Variants in TBCK observed in about 807,000 individuals in gnomAD.
TBCK encodes TBC1 domain containing kinase, also known as TBC domain-containing protein kinase-like protein.
TBCK carries 99 observed loss-of-function variants against 113.4 expected under a neutral mutation model. The ratio of observed to expected loss-of-function variants is 0.87; its 90% CI spans 0.74 to 1.03. TBCK has a LOEUF of 1.03. Ranked by LOEUF, TBCK falls within the 50% of genes least tolerant of loss-of-function variation. The pLI, the probability that TBCK is intolerant of heterozygous loss-of-function variation, is 0.00. For missense variants in TBCK, 1,045 were observed against 1,061.3 expected (o/e 0.98, Z 0.21); for synonymous variants, 369 against 370.8 (o/e 1.00, Z 0.05).
chr4:106,164,754 A>T, intron 23 of TBCK, among the ~76,000 whole-genome samples: 1 of 151,742 alleles, frequency 6.6e-6, no homozygotes. Context: ...TCATAATCTA[A>T]AAAGTAGTGT....
chr4:106,052,606 T>C (rs1272031760), intron 25 of TBCK, among the ~76,000 whole-genome samples: 2 of 151,710 alleles, frequency 1.3e-5, no homozygotes, highest in Non-Finnish European at 3.0e-5. Flanking sequence ...TTAAAAAATA[T>C]TTTTATAGTT....
rs186071422 is a variant in TBCK, at chr4:106,092,199, C to G, written c.2571+3283G>C. The stretch of plus-strand genomic sequence containing the variant: ...GATTGGTGCATCCACAAACCCTGAG[C>G]TAGACACAGGGTGCTGACTGGTATG... On this transcript the variant is annotated intron_variant, in intron 25 of 25. Coordinates refer to ENST00000394708, the MANE Select transcript of TBCK (RefSeq NM_001163435.3). Among the ~76,000 whole-genome samples the G allele has an allele frequency of 1.6e-3, 245 of 152,308 alleles. 2 individuals carry two copies. Among genetic ancestry groups the G allele is most frequent in the African/African-American group, 5.6e-3 (232 of 41,574 alleles).
At chr4:106,156,457 T>A (rs918128523) in intron 23 of TBCK, among the ~76,000 whole-genome samples, 1 of 152,186 alleles carries the variant, frequency 6.6e-6, no homozygotes, top group Non-Finnish European at 1.5e-5. Context: ...TTTCCTTCCC[T>A]TCAGGGCAGA....
chr4:106,247,154 T>G lies in TBCK; in HGVS notation c.916A>C (p.Ser306Arg), dbSNP rs900986956. ...CADLTLPEDI[S>R]QLCKDINNDY... is the part of the protein sequence containing the mutation. ...TTATCATTACCTTTACACAACTGAC[T>G]GATATCCTCAGGCAGAGTTAAATCA... The change falls in exon 10 of 26, where the codon AGT (serine) becomes CGT (arginine). Residue 306 changes from serine (S) to arginine (R), a missense_variant. By Grantham distance (110) the Ser-to-Arg change is moderately radical. Transcript: ENST00000394708. The G allele has an allele frequency of 6.2e-7, 1 of 1,612,816 alleles. No individual in the cohort carries two copies. Among genetic ancestry groups the G allele is most frequent in the Non-Finnish European group, 8.5e-7 (1 of 1,179,552 alleles).
intron 19 of TBCK, among the ~76,000 whole-genome samples, chr4:106,224,883 A>G (rs187243258): frequency 6.6e-6 from 1 of 152,276 alleles, no homozygotes; most frequent in Admixed American, 6.5e-5. Flanking sequence ...CTTTTATGAA[A>G]CCTTTCCAGA....
intron 25 of TBCK, among the ~76,000 whole-genome samples, chr4:106,060,136 A>G (rs1735874502): frequency 7.9e-6 from 1 of 126,274 alleles, no homozygotes; most frequent in Non-Finnish European, 1.7e-5. Flanking sequence ...GTGAAGCAAC[A>G]GGTACTAATG....
At chr4:106,148,866 T>A (rs1434554938) in intron 23 of TBCK, among the ~76,000 whole-genome samples, 2 of 152,196 alleles carry the variant, frequency 1.3e-5, no homozygotes, top group Non-Finnish European at 2.9e-5. Context: ...CAGGCATTGA[T>A]CTCTTCTCTC....
intron 23 of TBCK, among the ~76,000 whole-genome samples, chr4:106,129,286 T>C (rs1359018139): frequency 6.6e-6 from 1 of 152,120 alleles, no homozygotes; most frequent in Non-Finnish European, 1.5e-5. Flanking sequence ...ATCCTGATGC[T>C]CTCCCTCTCT....
At chr4:106,114,540 C>G (rs72489522) in intron 24 of TBCK, among the ~76,000 whole-genome samples, 19,668 of 152,190 alleles carry the variant, frequency 0.13, 1,605 homozygotes, top group South Asian at 0.24. Flanking sequence ...CAGCTGCTGA[C>G]TCTTTACAGC....
intron 23 of TBCK, among the ~76,000 whole-genome samples, chr4:106,144,284 G>T (rs1395268641): frequency 6.6e-6 from 1 of 152,202 alleles, no homozygotes; most frequent in Non-Finnish European, 1.5e-5. Flanking sequence ...AAATTGAAGA[G>T]CTCTGTTTCG....
intron 22 of TBCK, among the ~76,000 whole-genome samples, chr4:106,187,092 T>C (rs2149794594): frequency 6.6e-6 from 1 of 152,304 alleles, no homozygotes; most frequent in Non-Finnish European, 1.5e-5. Flanking sequence ...ATTCCATTGA[T>C]CTATGTGTAT....
chr4:106,275,490 T>C (rs577512718), intron 3 of TBCK, among the ~76,000 whole-genome samples: 2 of 152,288 alleles, frequency 1.3e-5, no homozygotes, highest in African/African-American at 4.8e-5. Flanking sequence ...TAAACATTTC[T>C]ATTCAACAAT....
rs34307452 is a variant in TBCK, at chr4:106,236,466, G to A, written c.1274C>T (p.Thr425Met). 0.041 allele frequency: 64,630 copies of A among 1,578,106 alleles called. 1,581 individuals are homozygous for A. Among genetic ancestry groups the A allele is most frequent in the Non-Finnish European group, 0.048 (55,150 of 1,160,908 alleles). ...CTTCTCTCTGATGATTAAAGGGAGC[G>A]TGGCAGCTGCAGACAACTCATTATT... ...NSNNELSAAATLPLIIREKDT... is the reference protein window; with the variant it reads ...NSNNELSAAAMLPLIIREKDT... Residue 425 changes from threonine (T) to methionine (M), a missense_variant, in exon 14 of 26, where the codon ACG (threonine) becomes ATG (methionine). Physicochemically the swap from Thr to Met is moderately conservative, Grantham distance 81 (BLOSUM62 -1). Coordinates refer to ENST00000394708, the MANE Select transcript of TBCK (RefSeq NM_001163435.3).
intron 22 of TBCK, among the ~76,000 whole-genome samples, chr4:106,174,420 T>C (rs1450098090): frequency 6.6e-6 from 1 of 152,114 alleles, no homozygotes; most frequent in Non-Finnish European, 1.5e-5. Flanking sequence ...TTTTTTCTTC[T>C]GAGTTATTAA....
chr4:106,167,194 AGAACTGTATATATATATATT>A (rs1200019581), intron 23 of TBCK, among the ~76,000 whole-genome samples: 1 of 147,364 alleles, frequency 6.8e-6, no homozygotes, highest in African/African-American at 2.5e-5. Context: ...ATATATATAT[AGAACTGTATATATATATATT>A]TATATATATA....
chr4:106,096,664 T>C (rs1740945453), intron 24 of TBCK, among the ~76,000 whole-genome samples: 1 of 152,174 alleles, frequency 6.6e-6, no homozygotes, highest in Non-Finnish European at 1.5e-5. Context: ...CAGATGACCC[T>C]GCTACAACCA....
chr4:106,088,916 C>T (rs962648959), intron 25 of TBCK, among the ~76,000 whole-genome samples: 1 of 152,116 alleles, frequency 6.6e-6, no homozygotes, highest in Non-Finnish European at 1.5e-5. Flanking sequence ...CAATACACCC[C>T]ATGGCTGTTG....
intron 24 of TBCK, among the ~76,000 whole-genome samples, chr4:106,114,293 G>A (rs767709415): frequency 6.6e-6 from 1 of 152,164 alleles, no homozygotes; most frequent in Non-Finnish European, 1.5e-5. Flanking sequence ...TTGGCTGAAG[G>A]TAGCCAAACC....
chr4:106,102,204 T>G (rs781368479), intron 24 of TBCK, among the ~76,000 whole-genome samples: 45 of 152,216 alleles, frequency 3.0e-4, no homozygotes, highest in Non-Finnish European at 5.4e-4. Flanking sequence ...TATTGTTAAG[T>G]GGGTAAAGTT....
Sources: allele counts gnomAD v4.1 joint callset (sites outside exome capture counted in the v4.1 genomes callset), GRCh38; gene constraint gnomAD v4.1.1; transcripts MANE v1.5; gene names NCBI Gene and HGNC (gene_info 2026-07-23, HGNC 2026-07-21).